RHOBTB3: variants seen among roughly 807,000 people sequenced by gnomAD.
RHOBTB3 encodes the protein Rho related BTB domain containing 3.
RHOBTB3 carries 47 observed loss-of-function variants against 67.2 expected under a neutral mutation model. The ratio of observed to expected loss-of-function variants is 0.70; its 90% CI spans 0.55 to 0.89. RHOBTB3 has a LOEUF of 0.89. RHOBTB3 is among the 40% of genes least tolerant of loss of function. The pLI is 0.00. For missense variants in RHOBTB3, 631 were observed against 750.0 expected (o/e 0.84, Z 1.85); for synonymous variants, 273 against 274.2 (o/e 1.00, Z 0.04).
intron 3 of RHOBTB3, among the ~76,000 whole-genome samples, chr5:95,737,600 G>C (rs1755484196): frequency 6.6e-6 from 1 of 152,208 alleles, no homozygotes; most frequent in African/African-American, 2.4e-5. Flanking sequence ...ATTATTGTCA[G>C]ATATCTTAGG....
chr5:95,769,825 C>A, intron 8 of RHOBTB3: 1 of 218,288 alleles, frequency 4.6e-6, no homozygotes, highest in Non-Finnish European at 9.3e-6. Context: ...CTTGAAATTG[C>A]CAGTGCTCAG....
At position 95,780,353 on chromosome 5, in the gene RHOBTB3, C is replaced by T. The variant is rs750321389; in HGVS notation, c.1384C>T (p.Pro462Ser). Residue 462 changes from proline to serine, a missense_variant, in exon 9 of 12, where the codon CCC (proline) becomes TCC (serine). Transcript: ENST00000379982. ...NYMEAKSVLI[P>S]VYGVSKETFL... ...CATGGAAGCAAAGAGTGTCCTGATTCCCGTTTATGGTGTTTCCAAAGAGAC... is the reference window on the plus strand; with the variant it reads ...CATGGAAGCAAAGAGTGTCCTGATTTCCGTTTATGGTGTTTCCAAAGAGAC... 2.5e-6 allele frequency: 4 copies of T among 1,613,986 alleles called. No homozygotes were observed. The Admixed American group carries it at 6.7e-5, about 27-fold the overall frequency.
chr5:95,719,484 T>G (rs1424974016), intron 1 of RHOBTB3, among the ~76,000 whole-genome samples: 1 of 152,236 alleles, frequency 6.6e-6, no homozygotes, highest in Non-Finnish European at 1.5e-5. Flanking sequence ...TAGGTTAAAC[T>G]GGCTCTAAAA....
rs1021229363 is a variant in RHOBTB3 at position 95,795,586 on chromosome 5, G to C, written c.*2412G>C. On this transcript the variant is annotated 3_prime_UTR_variant, in exon 12 of 12. Transcript: ENST00000379982. ...GGGTTTGGAAGCTGGTGCCCAGTTG[G>C]TGTGGAGTGTGTAGTTTTGTTATGA... 1.3e-5 allele frequency: 2 copies of C among 152,222 alleles called. No homozygotes were observed. Among genetic ancestry groups the C allele is most frequent in the Non-Finnish European group, 2.9e-5 (2 of 68,038 alleles). 9.4% of individuals were successfully genotyped at this position (152,222 alleles called of 1,614,324 possible).
intron 2 of RHOBTB3, among the ~76,000 whole-genome samples, chr5:95,735,635 T>C (rs924668261): frequency 6.6e-6 from 1 of 152,166 alleles, no homozygotes; most frequent in Non-Finnish European, 1.5e-5. Flanking sequence ...TAATCTAGCT[T>C]TATTACATCC....
rs761779560 is a variant in RHOBTB3, at chr5:95,736,871, A to G, written c.229-18A>G. On this transcript the variant is annotated intron_variant, in intron 2 of 11. Coordinates refer to ENST00000379982, the MANE Select transcript of RHOBTB3 (RefSeq NM_014899.4). ...GACGATAAGTAGACTAAAGATTGCT[A>G]TTTGCATTTTGGTTTAGGACATATT... 16 of 1,527,590 alleles carry G rather than the reference A, an allele frequency of 1.0e-5. No homozygotes were observed. In the South Asian group the frequency reaches 1.3e-4, roughly 12 times the overall value. The allele number at this position is 1,527,590 out of a possible 1,614,324, so 94.6% of individuals were successfully genotyped here.
upstream of RHOBTB3, chr5:95,730,866 C>G: frequency 2.2e-6 from 1 of 455,640 alleles, no homozygotes; most frequent in Non-Finnish European, 4.4e-6. Context: ...AGCTGTAGCG[C>G]ATGTTGACAA....
intron 1 of RHOBTB3, among the ~76,000 whole-genome samples, chr5:95,725,868 G>A (rs1755040856): frequency 6.6e-6 from 1 of 150,796 alleles, no homozygotes; most frequent in Non-Finnish European, 1.5e-5. Context: ...TACATGTAAA[G>A]AAGTTTTGCA....
chr5:95,780,216 C>T (rs779228928), intron 8 of RHOBTB3, 36 bp from the exon 9 acceptor site: 13 of 1,588,834 alleles, frequency 8.2e-6, no homozygotes, highest in Admixed American at 1.7e-5. Flanking sequence ...GCAGGTTTAT[C>T]TCACTTGTTT....
At chr5:95,738,682 T>C (rs1395394788) in intron 3 of RHOBTB3, among the ~76,000 whole-genome samples, 1 of 151,860 alleles carries the variant, frequency 6.6e-6, no homozygotes, top group South Asian at 2.1e-4. Context: ...ATTGGACATC[T>C]CAGCCTCCAG....
chr5:95,727,335 C>A (rs2112757081), upstream of RHOBTB3, among the ~76,000 whole-genome samples: 1 of 152,258 alleles, frequency 6.6e-6, no homozygotes, highest in South Asian at 2.1e-4. Context: ...CTAGGCCTGC[C>A]CTCACCAATG....
In RHOBTB3 at chr5:95,788,870, A is replaced by G. The variant is rs1481112326; in HGVS notation, c.1720+12A>G. 6.1e-6 allele frequency: 9 copies of G among 1,472,090 alleles called. No homozygotes were observed. In the East Asian group the frequency reaches 2.0e-4, roughly 33 times the overall value. The allele number at this position is 1,472,090 out of a possible 1,614,324, so 91.2% of individuals were successfully genotyped here. On this transcript the variant is annotated intron_variant, in intron 11 of 11. Transcript: ENST00000379982. ...TCAGGATCTTTCAGGTAGATTGCTA[A>G]TTTCTGTTTTGAAAAGAAAACTTTA...
upstream of RHOBTB3, among the ~76,000 whole-genome samples, chr5:95,726,903 A>G (rs1036997084): frequency 6.6e-6 from 1 of 152,006 alleles, no homozygotes; most frequent in South Asian, 2.1e-4. Context: ...TTACTGGTCA[A>G]CCTGGGGTAC....
At chr5:95,756,624 C>G (rs961264968) in intron 6 of RHOBTB3, among the ~76,000 whole-genome samples, 1 of 152,208 alleles carries the variant, frequency 6.6e-6, no homozygotes, top group Admixed American at 6.5e-5. Context: ...TGCCTACAAA[C>G]TGTGCACAAG....
intron 10 of RHOBTB3, among the ~76,000 whole-genome samples, chr5:95,786,488 A>C (rs771569241): frequency 1.3e-5 from 2 of 152,192 alleles, no homozygotes; most frequent in Non-Finnish European, 2.9e-5. Flanking sequence ...TCAGGTTTCC[A>C]TCAAGGAGGA....
Position 95,748,382 on chromosome 5 carries a change from T to C in RHOBTB3, c.465T>C (p.Cys155=). Residue 155 remains cysteine, a synonymous_variant, in exon 4 of 12, where the codon TGT becomes TGC. Coordinates refer to ENST00000379982, the MANE Select transcript of RHOBTB3 (RefSeq NM_014899.4). ...TATGTACCTCAGACAGAGGGAGCTG[T>C]GTTAGTACAACTGAAGGGATCCAAC... is the stretch of plus-strand genomic sequence containing the variant. ...CPLCTSDRGS[C]VSTTEGIQLA... The C allele has an allele frequency of 6.2e-7, 1 of 1,613,594 alleles. No homozygotes were observed.
chr5:95,793,067 C>T lies in RHOBTB3; in HGVS notation c.1729C>T (p.Arg577Cys), dbSNP rs745672890. ...PEFQDLSVEE[R>C]SFVEKHRWPS... ...TTTTCTTAAAACTTCAGTGGAAGAA[C>T]GCAGTTTTGTTGAAAAGCACAGATG... The change falls in exon 12 of 12, where the codon CGC (arginine) becomes TGC (cysteine). Residue 577 changes from arginine (R) to cysteine (C), a missense_variant. Physicochemically the swap from Arg to Cys is radical, Grantham distance 180 (BLOSUM62 -3). Coordinates refer to ENST00000379982, the MANE Select transcript of RHOBTB3 (RefSeq NM_014899.4). 1.2e-5 allele frequency: 19 copies of T among 1,610,596 alleles called. No homozygotes were observed. Among genetic ancestry groups the T allele is most frequent in the African/African-American group, 5.3e-5 (4 of 74,920 alleles).
chr5:95,731,559 GGCGCGCGAGGGGGAC>G lies in RHOBTB3; in HGVS notation c.-120_-106del. ...TCTGCGTCGGCCCCGCCGCGGTGGA[GGCGCGCGAGGGGGAC>G]GCGGCCGGGGATGAGCGGATTGCGG... On this transcript the variant is annotated 5_prime_UTR_variant, in exon 1 of 12. Coordinates refer to ENST00000379982, the MANE Select transcript of RHOBTB3 (RefSeq NM_014899.4). 1 of 1,471,906 alleles carries G rather than the reference GGCGCGCGAGGGGGAC, an allele frequency of 6.8e-7. No homozygotes were observed. The highest frequency in any genetic ancestry group is 9.0e-7 in the Non-Finnish European group (1 of 1,111,816). The allele number at this position is 1,471,906 out of a possible 1,614,324, so 91.2% of individuals were successfully genotyped here. A position where few individuals can be genotyped will look rare whatever the true frequency, so the allele number is the denominator to read the frequency against.
chr5:95,760,617 C>T (rs1475607448), intron 6 of RHOBTB3, among the ~76,000 whole-genome samples: 2 of 152,156 alleles, frequency 1.3e-5, no homozygotes, highest in Non-Finnish European at 2.9e-5. Context: ...CATGAGTATA[C>T]CATGCGCTCT....
Sources: allele counts gnomAD v4.1 joint callset (sites outside exome capture counted in the v4.1 genomes callset), GRCh38; gene constraint gnomAD v4.1.1; transcripts MANE v1.5; gene names NCBI Gene and HGNC (gene_info 2026-07-23, HGNC 2026-07-21).